CDH4: variants seen among roughly 807,000 people sequenced by gnomAD.
The protein encoded by CDH4 is cadherin-4.
CDH4 carries 33 observed loss-of-function variants against 86.0 expected under a neutral mutation model. The ratio of observed to expected loss-of-function variants is 0.38; its 90% CI spans 0.29 to 0.51. The LOEUF is 0.51. Ranked by LOEUF, CDH4 falls within the 20% of genes least tolerant of loss-of-function variation. CDH4 has a pLI of 0.86. For missense variants in CDH4, 1,114 were observed against 1,307.4 expected (o/e 0.85, Z 2.28); for synonymous variants, 555 against 549.4 (o/e 1.01, Z -0.14).
chr20:61,657,395 C>T (rs2087204024), intron 2 of CDH4, among the ~76,000 whole-genome samples: 2 of 152,240 alleles, frequency 1.3e-5, no homozygotes, highest in Non-Finnish European at 2.9e-5. Context: ...TGAATAACTT[C>T]TATAGTTTAG....
intron 2 of CDH4, among the ~76,000 whole-genome samples, chr20:61,504,812 G>A (rs188936038): frequency 5.9e-5 from 9 of 152,300 alleles, no homozygotes; most frequent in South Asian, 2.1e-4. Flanking sequence ...CCTTGATCTC[G>A]GCACAGAGTT....
At chr20:61,894,850 CCT>C in intron 7 of CDH4, 58 bp from the exon 8 acceptor site, 1 of 1,549,064 alleles carries the variant, frequency 6.5e-7, no homozygotes, top group South Asian at 1.2e-5. Context: ...TGATAAGTGC[CCT>C]GTCAATTAAA....
At chr20:61,906,090 C>T (rs368543084) in intron 8 of CDH4, among the ~76,000 whole-genome samples, 60 of 152,294 alleles carry the variant, frequency 3.9e-4, no homozygotes, top group African/African-American at 9.9e-4. Flanking sequence ...ACGCAGGGGC[C>T]GCCAGAACTG....
At chr20:61,301,478 C>T (rs959103291) in intron 2 of CDH4, among the ~76,000 whole-genome samples, 5 of 152,168 alleles carry the variant, frequency 3.3e-5, no homozygotes, top group Non-Finnish European at 7.3e-5. Context: ...GTTGAATTCT[C>T]GATGCTTCGC....
intron 6 of CDH4, among the ~76,000 whole-genome samples, chr20:61,864,713 G>T: frequency 6.6e-6 from 1 of 152,176 alleles, no homozygotes; most frequent in East Asian, 1.9e-4. Context: ...GGGGGAGGTG[G>T]CCCCAGCTTC....
At chr20:61,664,573 C>T (rs750763227) in intron 2 of CDH4, among the ~76,000 whole-genome samples, 4 of 152,228 alleles carry the variant, frequency 2.6e-5, no homozygotes, top group Non-Finnish European at 5.9e-5. Context: ...GAACCCACAC[C>T]GCATCAAGAG....
chr20:61,298,653 T>C (rs1369898360), intron 2 of CDH4, among the ~76,000 whole-genome samples: 1 of 149,260 alleles, frequency 6.7e-6, no homozygotes, highest in Non-Finnish European at 1.5e-5. Context: ...CTGAGACTTC[T>C]GGCACCCACC....
rs1980205524 is a variant in CDH4 at position 61,807,598 on chromosome 20, CT to C, written c.576+34417del. Among the ~76,000 whole-genome samples the C allele has an allele frequency of 6.6e-6, 1 of 152,138 alleles. No individual in the cohort carries two copies. The highest frequency in any genetic ancestry group is 2.1e-4 in the South Asian group (1 of 4,826). ...CCAAGGGCAGGTGTTCCGTGCAGGG[CT>C]GGTTGGTGTGAGGCCAGCCACAGAG... is the stretch of plus-strand genomic sequence containing the variant. On this transcript the variant is annotated intron_variant, in intron 4 of 15. Coordinates refer to ENST00000614565, the MANE Select transcript of CDH4 (RefSeq NM_001794.5). The surrounding 1 kb of genome is among the most constrained non-coding windows in gnomAD (Gnocchi z 4.5).
At chr20:61,760,752 A>C (rs562696290) in intron 3 of CDH4, among the ~76,000 whole-genome samples, 4 of 152,212 alleles carry the variant, frequency 2.6e-5, no homozygotes, top group Non-Finnish European at 5.9e-5. Flanking sequence ...AATTTTCAAA[A>C]TGATGTCGCC....
chr20:61,899,317 T>A (rs1042594161), intron 8 of CDH4, among the ~76,000 whole-genome samples: 1 of 152,084 alleles, frequency 6.6e-6, no homozygotes, highest in Non-Finnish European at 1.5e-5. Context: ...GGAGGTGGTA[T>A]ATCATTGTTG....
chr20:61,790,336 T>C (rs1979108495), intron 4 of CDH4, among the ~76,000 whole-genome samples: 1 of 151,608 alleles, frequency 6.6e-6, no homozygotes, highest in African/African-American at 2.4e-5. Context: ...CATCTCTCCA[T>C]TCATCCATTT....
chr20:61,545,900 T>C (rs1403203598), intron 2 of CDH4, among the ~76,000 whole-genome samples: 4 of 111,774 alleles, frequency 3.6e-5, no homozygotes, highest in South Asian at 3.2e-4. Flanking sequence ...TGTTCGTATG[T>C]GTGTGTGTGG....
At chr20:61,523,205 T>A (rs1340022949) in intron 2 of CDH4, among the ~76,000 whole-genome samples, 1 of 152,194 alleles carries the variant, frequency 6.6e-6, no homozygotes, top group African/African-American at 2.4e-5. Flanking sequence ...AGTTTCCTCA[T>A]TGCTGCTGGA....
chr20:61,649,234 C>T lies in CDH4; in HGVS notation c.170-94329C>T, dbSNP rs1052727059. Among the ~76,000 whole-genome samples the T allele has an allele frequency of 1.5e-4, 23 of 152,318 alleles. No individual in the cohort carries two copies. The East Asian group carries it at 4.3e-3, about 28-fold the overall frequency. ...CAAGGGCGAAGACCCCACAGGGCCC[C>T]CCGAGCACGCACGCTCACCTTTTGC... On this transcript the variant is annotated intron_variant, in intron 2 of 15. Coordinates refer to ENST00000614565, the MANE Select transcript of CDH4 (RefSeq NM_001794.5).
intron 2 of CDH4, among the ~76,000 whole-genome samples, chr20:61,385,112 C>T (rs555220224): frequency 5.3e-5 from 8 of 152,264 alleles, no homozygotes; most frequent in South Asian, 2.1e-4. Context: ...GGGGTTCTAC[C>T]GGCACCAACT....
At chr20:61,313,759 C>T (rs1324649261) in intron 2 of CDH4, among the ~76,000 whole-genome samples, 2 of 152,188 alleles carry the variant, frequency 1.3e-5, no homozygotes, top group Non-Finnish European at 1.5e-5. Context: ...TTGTTTAAGA[C>T]ATGGTCTCGC....
rs147171549 is a variant in CDH4 at position 61,294,067 on chromosome 20, G to A, written c.169+39130G>A. 5.9e-3 allele frequency among the ~76,000 whole-genome samples: 904 copies of A among 152,258 alleles called. 3 individuals carry two copies. Among genetic ancestry groups the A allele is most frequent in the Non-Finnish European group, 0.01 (687 of 68,008 alleles). ...GACAGGTGGTCAGTGTGGGTGGAGC[G>A]TCCGCAAGGATGCTGGCCTGGCTCT... On this transcript the variant is annotated intron_variant, in intron 2 of 15. Transcript: ENST00000614565.
chr20:61,535,992 C>T (rs1348492931), intron 2 of CDH4, among the ~76,000 whole-genome samples: 1 of 152,144 alleles, frequency 6.6e-6, no homozygotes, highest in Non-Finnish European at 1.5e-5. Context: ...TATTTCAACC[C>T]AGCAGACCCC....
At chr20:61,532,131 TGACTGTGTGAG>T (rs777669322) in intron 2 of CDH4, among the ~76,000 whole-genome samples, 14 of 152,268 alleles carry the variant, frequency 9.2e-5, no homozygotes, top group Non-Finnish European at 1.9e-4. Flanking sequence ...CTCCGTGTCC[TGACTGTGTGAG>T]GACACACTGA....
Sources: allele counts gnomAD v4.1 joint callset (sites outside exome capture counted in the v4.1 genomes callset), GRCh38; gene constraint gnomAD v4.1.1; non-coding constraint Gnocchi (gnomAD v3.1); transcripts MANE v1.5; gene names NCBI Gene and HGNC (gene_info 2026-07-23, HGNC 2026-07-21).